The following ZNF138 variants were observed in gnomAD, a reference collection of about 807,000 sequenced individuals.
ZNF138 encodes zinc finger protein 138 (clone pHZ-32).
A neutral mutation model predicts 33.0 loss-of-function variants in ZNF138; 33 were observed. That is an observed-to-expected ratio of 1.00 (90% CI 0.76 to 1.34). The LOEUF (loss-of-function observed/expected upper bound fraction) is 1.34. ZNF138 is among the 40% of genes most tolerant of loss of function. ZNF138 has a pLI of 0.00. For missense variants in ZNF138, 360 were observed against 370.8 expected, an observed-to-expected ratio of 0.97 and a Z score of 0.24; for synonymous variants, 139 against 120.4, an observed-to-expected ratio of 1.15 and a Z score of -1.01.
At chr7:64,831,038 C>T (rs1174290120) in intron 3 of ZNF138, 1 of 1,551,906 alleles carries the variant, frequency 6.4e-7, no homozygotes, top group Non-Finnish European at 8.7e-7. Flanking sequence ...AAACAGAAAC[C>T]AGTGTCTGCA....
At chr7:64,849,730 G>T in the ZNF138 span, among the ~76,000 whole-genome samples, 1 of 151,886 alleles carries the variant, frequency 6.6e-6, no homozygotes, top group Non-Finnish European at 1.5e-5. Flanking sequence ...GGGAAAGGGG[G>T]AGAGCCAGCA....
intron 1 of ZNF138, among the ~76,000 whole-genome samples, chr7:64,809,113 C>CA (rs1787858690): frequency 8.7e-6 from 1 of 115,284 alleles, no homozygotes; most frequent in South Asian, 3.6e-4. Flanking sequence ...ACCTCCCAGA[C>CA]GGGGTGGTGG....
At chr7:64,814,841 C>A (rs1788476400) in intron 1 of ZNF138, 77 bp from the exon 2 acceptor site, 1 of 1,574,540 alleles carries the variant, frequency 6.4e-7, no homozygotes, top group Non-Finnish European at 8.7e-7. Context: ...TCTTATTTTA[C>A]CTTGAGTCAA....
rs148349171 is a variant in ZNF138 at position 64,816,409 on chromosome 7, CTT to C, written c.208+758_208+759del. Among the ~76,000 whole-genome samples the C allele has an allele frequency of 0.012, 1,754 of 151,852 alleles. 74 individuals are homozygous for C. The East Asian group carries it at 0.13, about 11-fold the overall frequency. The stretch of plus-strand genomic sequence containing the variant: ...GTTACATTGTAAAAATTTTTTACCT[CTT>C]TGGTTAAATTTGTTCTCAGAAGTTT... On this transcript the variant is annotated intron_variant, in intron 3 of 3. Coordinates refer to ENST00000307355, the MANE Select transcript of ZNF138 (RefSeq NM_001271639.2).
At chr7:64,816,857 C>G (rs552285740) in intron 3 of ZNF138, among the ~76,000 whole-genome samples, 9 of 152,264 alleles carry the variant, frequency 5.9e-5, no homozygotes, top group Middle Eastern at 6.8e-3. Context: ...GGGATGCCCT[C>G]TGGGTTTGTA....
intron 1 of ZNF138, among the ~76,000 whole-genome samples, chr7:64,794,773 C>T (rs1012515274): frequency 6.6e-6 from 1 of 152,154 alleles, no homozygotes; most frequent in African/African-American, 2.4e-5. Context: ...CGTCCTGTCT[C>T]CTCCCTGCGC....
chr7:64,807,019 G>A (rs566308815), intron 1 of ZNF138, among the ~76,000 whole-genome samples: 1 of 152,286 alleles, frequency 6.6e-6, no homozygotes, highest in Non-Finnish European at 1.5e-5. Flanking sequence ...GCCCACCCAG[G>A]GTGGAAAACC....
chr7:64,840,861 A>G, the ZNF138 span, among the ~76,000 whole-genome samples: 2 of 152,200 alleles, frequency 1.3e-5, no homozygotes, highest in Non-Finnish European at 2.9e-5. Context: ...CAAGAAAATT[A>G]TAGAGTATAT....
chr7:64,842,314 TGCCTCC>T, the ZNF138 span, among the ~76,000 whole-genome samples: 60,685 of 151,918 alleles, frequency 0.4, 12,808 homozygotes, highest in Non-Finnish European at 0.48. Flanking sequence ...TGCCCTCCTC[TGCCTCC>T]CAAAGTGCTG....
intron 3 of ZNF138, among the ~76,000 whole-genome samples, chr7:64,819,552 A>G (rs1016805800): frequency 2.0e-5 from 3 of 151,754 alleles, no homozygotes; most frequent in South Asian, 2.1e-4. Context: ...TATTTTTAGG[A>G]GAGATGGGGT....
intron 3 of ZNF138, among the ~76,000 whole-genome samples, chr7:64,822,944 G>C (rs528758818): frequency 6.6e-6 from 1 of 151,952 alleles, no homozygotes; most frequent in South Asian, 2.1e-4. Flanking sequence ...GTAATGGCAC[G>C]ATCTTGGCCC....
chr7:64,847,382 C>T, the ZNF138 span, among the ~76,000 whole-genome samples: 1 of 137,476 alleles, frequency 7.3e-6, no homozygotes, highest in African/African-American at 2.7e-5. Context: ...CTGTAAGTAA[C>T]TGTTAAGCCC....
chr7:64,853,337 G>C, the ZNF138 span: 1 of 1,589,286 alleles, frequency 6.3e-7, no homozygotes, highest in Non-Finnish European at 8.6e-7. Flanking sequence ...CCGGGTTAAA[G>C]GACTCCCATG....
At chr7:64,839,986 T>C in the ZNF138 span, among the ~76,000 whole-genome samples, 2 of 137,632 alleles carry the variant, frequency 1.5e-5, 1 homozygote, top group South Asian at 5.4e-4. Context: ...GGGTGAGGAG[T>C]GGGCGGGGTA....
At chr7:64,818,436 C>A (rs1042314444) in intron 3 of ZNF138, among the ~76,000 whole-genome samples, 9 of 151,962 alleles carry the variant, frequency 5.9e-5, no homozygotes, top group Non-Finnish European at 1.2e-4. Flanking sequence ...TTTAAAATAT[C>A]AAAATTATGT....
At chr7:64,846,109 C>T in the ZNF138 span, among the ~76,000 whole-genome samples, 11 of 152,132 alleles carry the variant, frequency 7.2e-5, no homozygotes, top group Non-Finnish European at 1.6e-4. Flanking sequence ...CCATGCTGCT[C>T]CGTTGGCCTA....
intron 1 of ZNF138, among the ~76,000 whole-genome samples, chr7:64,810,916 T>C (rs932896335): frequency 2.0e-4 from 30 of 152,218 alleles, no homozygotes; most frequent in Non-Finnish European, 3.7e-4. Context: ...AAAGTATGTA[T>C]TTTAGGGTCT....
the ZNF138 span, among the ~76,000 whole-genome samples, chr7:64,859,547 C>T: frequency 1.3e-5 from 2 of 152,164 alleles, no homozygotes; most frequent in African/African-American, 4.8e-5. Flanking sequence ...TTAGTCAGGA[C>T]TATCAGAGAA....
At chr7:64,825,469 G>C (rs11981544) in intron 3 of ZNF138, among the ~76,000 whole-genome samples, 149,387 of 151,566 alleles carry the variant, frequency 0.99, 73,655 homozygotes, top group East Asian at 1. Flanking sequence ...CCGCACCCGG[G>C]ATTGTATGCT....
Sources: allele counts gnomAD v4.1 joint callset (sites outside exome capture counted in the v4.1 genomes callset), GRCh38; gene constraint gnomAD v4.1.1; transcripts MANE v1.5; gene names NCBI Gene and HGNC (gene_info 2026-07-23, HGNC 2026-07-21).